Variants in HERC2 observed in about 807,000 individuals in gnomAD.
HERC2 encodes the protein E3 ubiquitin-protein ligase HERC2.
A neutral mutation model predicts 537.7 loss-of-function variants in HERC2; 102 were observed. The ratio of observed to expected loss-of-function variants is 0.19; its 90% CI spans 0.16 to 0.22. HERC2 has a LOEUF of 0.22. Among genes scored for constraint, HERC2 ranks in the 10% least tolerant of loss-of-function variants. The pLI, the probability that HERC2 is intolerant of heterozygous loss-of-function variation, is 1.00. For missense variants in HERC2, 4,236 were observed against 6,198.2 expected (o/e 0.68, Z 10.63); for synonymous variants, 2,224 against 2,466.2 (o/e 0.90, Z 2.91).
At chr15:28,289,372 A>G (rs568265944) in intron 4 of HERC2, among the ~76,000 whole-genome samples, 2,413 of 147,692 alleles carry the variant, frequency 0.016, 81 homozygotes, top group Non-Finnish European at 0.022. Flanking sequence ...TACAAATATG[A>G]TGTAAAAATC....
At chr15:28,300,454 T>G (rs1223833536) in intron 2 of HERC2, among the ~76,000 whole-genome samples, 1 of 150,722 alleles carries the variant, frequency 6.6e-6, no homozygotes, top group Non-Finnish European at 1.5e-5. Flanking sequence ...ATTTTAGAAC[T>G]ACTTCATGTT....
rs777715244 is a variant in HERC2, at chr15:28,218,500, G to A, written c.6017C>T (p.Thr2006Met). 6.9e-6 allele frequency: 11 copies of A among 1,595,116 alleles called. No individual in the cohort carries two copies. The highest frequency in any genetic ancestry group is 2.2e-5 in the South Asian group (2 of 90,960). Residue 2006 changes from threonine to methionine, a missense_variant, in exon 38 of 93, where the codon ACG becomes ATG. Transcript: ENST00000261609. ...CTCTCATTCCATACATGTCTTGTCC[G>A]TCGTTCCGCTTTCCACTAACATTCG... The part of the protein sequence containing the change: ...LLRMLVESGT[T>M]DKTSSPNRLV...
rs1896821579 is a variant in HERC2 at position 28,191,148 on chromosome 15, C to A, written c.8548G>T (p.Val2850Leu). The A allele has an allele frequency of 1.2e-6, 2 of 1,611,564 alleles. No individual in the cohort carries two copies. The highest frequency in any genetic ancestry group is 1.7e-6 in the Non-Finnish European group (2 of 1,177,702). ...ADSSYMPSLV[V>L]VSGGNSLNNL... ...AAACTAACTGAATTACCTGACACTA[C>A]AACCAGGGACGGCATGTAGCTACTG... The change falls in exon 54 of 93, where the codon GTA becomes TTA. Residue 2850 changes from valine to leucine, a missense_variant. Physicochemically the swap from Val to Leu is conservative, Grantham distance 32 (BLOSUM62 1). Coordinates refer to ENST00000261609, the MANE Select transcript of HERC2 (RefSeq NM_004667.6).
chr15:28,284,362 A>G (rs578110870), intron 4 of HERC2, among the ~76,000 whole-genome samples: 7 of 152,214 alleles, frequency 4.6e-5, no homozygotes, highest in Non-Finnish European at 8.8e-5. Flanking sequence ...AATAGAAAAT[A>G]CAAAACAAAA....
Position 28,163,153 on chromosome 15 carries a change from C to T in HERC2, c.10687G>A (p.Asp3563Asn). ...LKLSVCSRAG[D>N]RGRDVLSAVL... Reference sequence around the variant, plus strand: ...GCGGAGAGCACATCCCTGCCCCTGTCCCCGGCCCGGCTGCACACTGACAGC... The same window carrying T: ...GCGGAGAGCACATCCCTGCCCCTGTTCCCGGCCCGGCTGCACACTGACAGC... The change falls in exon 69 of 93, where the codon GAC becomes AAC. Residue 3563 changes from aspartate (D) to asparagine (N), a missense_variant. Physicochemically the swap from Asp to Asn is conservative, Grantham distance 23 (BLOSUM62 1). Around this residue, in one of 27 missense-constraint regions of HERC2, gnomAD observed 356 missense variants for 450.9 expected, o/e 0.79. Coordinates refer to ENST00000261609, the MANE Select transcript of HERC2 (RefSeq NM_004667.6). The T allele has an allele frequency of 6.2e-7, 1 of 1,613,110 alleles. No homozygotes were observed. The highest frequency in any genetic ancestry group is 8.5e-7 in the Non-Finnish European group (1 of 1,180,008).
At chr15:28,270,419 CCTGGGGCTGTGGATAAAGGGGAGCTCT>C (rs1057389111) in intron 10 of HERC2, among the ~76,000 whole-genome samples, 7 of 151,998 alleles carry the variant, frequency 4.6e-5, no homozygotes, top group African/African-American at 1.7e-4. Context: ...GGTGGGAGGG[CCTGGGGCTGTGGATAAAGGGGAGCTCT>C]CTGGGGCTGT....
chr15:28,317,280 G>C (rs2077114500), intron 2 of HERC2, among the ~76,000 whole-genome samples: 3 of 152,144 alleles, frequency 2.0e-5, no homozygotes, highest in African/African-American at 7.2e-5. Context: ...GTAGAGACAG[G>C]GTTTCACCAT....
intron 47 of HERC2, 38 bp downstream of exon 47, chr15:28,202,075 G>A: frequency 8.9e-7 from 1 of 1,121,794 alleles, no homozygotes; most frequent in Non-Finnish European, 1.3e-6. Flanking sequence ...TAGACGGACA[G>A]CGGCCCAGGT....
chr15:28,132,904 T>TGAGAC, intron 79 of HERC2, 74 bp from the exon 80 acceptor site: 1 of 1,127,720 alleles, frequency 8.9e-7, no homozygotes, highest in South Asian at 2.2e-5. Flanking sequence ...TAAATACCTC[T>TGAGAC]CAATCTACAC....
chr15:28,201,678 T>C (rs1418487894), intron 47 of HERC2, 124 bp from the exon 48 acceptor site: 6 of 679,844 alleles, frequency 8.8e-6, no homozygotes, highest in Non-Finnish European at 1.5e-5. Context: ...ATTTTCTCTA[T>C]AAAAATCTTC....
intron 35 of HERC2, among the ~76,000 whole-genome samples, chr15:28,223,278 G>C (rs1047422173): frequency 3.3e-5 from 5 of 152,216 alleles, no homozygotes; most frequent in Admixed American, 1.3e-4. Context: ...AAACTGAGAG[G>C]GGGTAGGAGT....
intron 89 of HERC2, 170 bp downstream of exon 89, chr15:28,115,259 T>G: frequency 6.2e-6 from 3 of 483,442 alleles, no homozygotes; most frequent in Admixed American, 4.7e-5. Flanking sequence ...AAATAGATGG[T>G]CTATTTTTTT....
rs983137187 is a variant in HERC2 at position 28,213,617 on chromosome 15, C to T, written c.6786+125G>A. 39 of 1,532,122 alleles carry T rather than the reference C, an allele frequency of 2.5e-5. No homozygotes were observed. In the South Asian group the frequency reaches 4.2e-4, roughly 17 times the overall value. The allele number at this position is 1,532,122 out of a possible 1,614,324, so 94.9% of individuals were successfully genotyped here. ...CTTACCACAGAAGCACAAGCTCACA[C>T]AGCTTCCTGGAAGGCAAACTTCAAG... On this transcript the variant is annotated intron_variant, in intron 42 of 92. Transcript: ENST00000261609.
chr15:28,218,666 C>T lies in HERC2; in HGVS notation c.5851G>A (p.Glu1951Lys), dbSNP rs781731609. 8.9e-6 allele frequency: 14 copies of T among 1,580,980 alleles called. No individual in the cohort carries two copies. Among genetic ancestry groups the T allele is most frequent in the Non-Finnish European group, 1.2e-5 (14 of 1,164,426 alleles). Residue 1951 changes from glutamate (E) to lysine (K), a missense_variant, in exon 38 of 93, where the codon GAA becomes AAA. By Grantham distance (56) the Glu-to-Lys change is moderately conservative (BLOSUM62 1). Transcript: ENST00000261609. Reference protein sequence around the residue: ...DSDTEDDSEAEQTERNIHPTA... With the variant: ...DSDTEDDSEAKQTERNIHPTA... The stretch of plus-strand genomic sequence containing the variant: ...GGGTGAATGTTCCTTTCAGTTTGTT[C>T]GGCTTCTAAAAAAAATAATCAAAAT...
chr15:28,311,192 C>T (rs1405272086), intron 2 of HERC2, among the ~76,000 whole-genome samples: 5 of 149,600 alleles, frequency 3.3e-5, no homozygotes, highest in Admixed American at 1.3e-4. Flanking sequence ...AGGCAGGGCA[C>T]GGTGGCTCAC....
chr15:28,142,783 T>C lies in HERC2; in HGVS notation c.11544+44A>G, dbSNP rs1596037990. On this transcript the variant is annotated intron_variant, in intron 75 of 92. Transcript: ENST00000261609. ...TGACAACTCTCAGTGGCTCTTTCAGTCAAATAGCTCTATTGTCACTTTAAA... is the reference window on the plus strand; with the variant it reads ...TGACAACTCTCAGTGGCTCTTTCAGCCAAATAGCTCTATTGTCACTTTAAA... 7 of 1,524,366 alleles carry C rather than the reference T, an allele frequency of 4.6e-6. No homozygotes were observed. In the East Asian group the frequency reaches 1.6e-4, roughly 35 times the overall value. 94.4% of individuals were successfully genotyped at this position (1,524,366 alleles called of 1,614,324 possible).
At chr15:28,181,304 A>G (rs908903810) in intron 57 of HERC2, among the ~76,000 whole-genome samples, 3 of 152,172 alleles carry the variant, frequency 2.0e-5, no homozygotes. Flanking sequence ...GCTCCCACCA[A>G]TGGCCTGCAC....
chr15:28,238,028 T>TACTTC, intron 25 of HERC2, 86 bp downstream of exon 25: 1 of 881,488 alleles, frequency 1.1e-6, no homozygotes. Flanking sequence ...CAGATATCAG[T>TACTTC]ACTTCTAGAT....
At chr15:28,262,682 T>C (rs1178527573) in intron 15 of HERC2, among the ~76,000 whole-genome samples, 1 of 116,430 alleles carries the variant, frequency 8.6e-6, no homozygotes, top group Non-Finnish European at 1.6e-5. Context: ...ACTCAACAGG[T>C]TTAAATTACA....
Sources: gnomAD v4.1 joint callset for allele counts (sites outside exome capture counted in the v4.1 genomes callset) on GRCh38, gnomAD v4.1.1 for gene constraint, gnomAD v4.1.1 regional missense constraint, MANE v1.5 for transcripts, NCBI Gene and HGNC (gene_info 2026-07-23, HGNC 2026-07-21) for gene names.